GALNT9: variants seen among roughly 807,000 people sequenced by gnomAD.
GALNT9 encodes the protein GalNAc transferase 9.
GALNT9 carries 47 observed loss-of-function variants against 63.1 expected under a neutral mutation model. The ratio of observed to expected loss-of-function variants is 0.75; its 90% CI spans 0.59 to 0.95. The LOEUF (loss-of-function observed/expected upper bound fraction) is 0.95, where lower values mean the gene tolerates loss of function less well. Ranked by LOEUF, GALNT9 falls within the 40% of genes least tolerant of loss-of-function variation. The probability of loss-of-function intolerance (pLI) is 0.00; values close to 1 mark genes in which losing one functional copy is unlikely to be tolerated. For synonymous variants in GALNT9, 396 were observed against 365.7 expected (o/e 1.08, Z -0.94); for missense variants, 829 against 874.8 (o/e 0.95, Z 0.66).
At chr12:132,240,844 C>T (rs1212214670) in intron 6 of GALNT9, 6 of 392,904 alleles carry the variant, frequency 1.5e-5, no homozygotes, top group Non-Finnish European at 3.1e-5. Flanking sequence ...CCATTACACA[C>T]ACACCACACC....
chr12:132,240,969 C>T (rs1555236995), intron 6 of GALNT9, among the ~76,000 whole-genome samples: 1 of 140,864 alleles, frequency 7.1e-6, no homozygotes, highest in Non-Finnish European at 1.5e-5. Flanking sequence ...CTCCCTATAC[C>T]CATTACACAC....
chr12:132,249,514 C>T (rs1470604274), intron 5 of GALNT9, among the ~76,000 whole-genome samples: 1 of 152,192 alleles, frequency 6.6e-6, no homozygotes, highest in Non-Finnish European at 1.5e-5. Context: ...CGGCCACAAA[C>T]CTAACAGTGA....
At position 132,279,858 on chromosome 12, in the gene GALNT9, G is replaced by C. The variant is rs1309331870; in HGVS notation, c.419+6392C>G. On this transcript the variant is annotated intron_variant, in intron 2 of 10. Coordinates refer to ENST00000328957, the MANE Select transcript of GALNT9 (RefSeq NM_001122636.2). The surrounding 1 kb of genome is among the most constrained non-coding windows in gnomAD (Gnocchi z 4.1). ...CTGGGTCTCCTGGATCCAATTCCTG[G>C]ATGCCCAGTGTCCGCCAGGTCTCCT... The C allele has an allele frequency of 6.6e-6, 1 of 151,514 alleles. No homozygotes were observed. The highest frequency in any genetic ancestry group is 2.4e-5 in the African/African-American group (1 of 41,138). 9.4% of individuals were successfully genotyped at this position (151,514 alleles called of 1,614,324 possible). A position where few individuals can be genotyped will look rare whatever the true frequency, so the allele number is the denominator to read the frequency against.
intron 6 of GALNT9, among the ~76,000 whole-genome samples, chr12:132,209,844 C>T (rs997285343): frequency 6.6e-6 from 1 of 152,212 alleles, no homozygotes; most frequent in South Asian, 2.1e-4. Context: ...AAAATAACCA[C>T]AAAAGTTAAT....
At chr12:132,239,987 G>A (rs1217519842) in intron 6 of GALNT9, among the ~76,000 whole-genome samples, 1 of 152,092 alleles carries the variant, frequency 6.6e-6, no homozygotes, top group African/African-American at 2.4e-5. Context: ...TCTGGGGAGA[G>A]GAGTGATCAG....
At position 132,313,065 on chromosome 12, in the gene GALNT9, C is replaced by T. The variant is rs568537630; in HGVS notation, c.238+15901G>A. ...ACCCTCCACTCATCTACCCACCCAT[C>T]CATCCACCCACTCACCCACCCATCC... is the stretch of plus-strand genomic sequence containing the variant. On this transcript the variant is annotated intron_variant, in intron 1 of 10. Transcript: ENST00000328957. 2.0e-5 allele frequency among the ~76,000 whole-genome samples: 3 copies of T among 152,022 alleles called. No individual in the cohort carries two copies. The South Asian group carries it at 6.2e-4, about 32-fold the overall frequency.
chr12:132,228,644 G>A (rs1003485120), intron 6 of GALNT9, among the ~76,000 whole-genome samples: 1 of 152,068 alleles, frequency 6.6e-6, no homozygotes, highest in Non-Finnish European at 1.5e-5. Flanking sequence ...GCCCCCCAGC[G>A]GAGTGGGGTC....
Position 132,327,579 on chromosome 12 carries a change from C to T in GALNT9, c.238+1387G>A, listed in dbSNP as rs1156691565. ...AGCCATGTGCTATTGCCGGGCACAC[C>T]GCCTTCCGGGAGATGAATTGCTCTG... is the stretch of plus-strand genomic sequence containing the variant. On this transcript the variant is annotated intron_variant, in intron 1 of 10. Coordinates refer to ENST00000328957, the MANE Select transcript of GALNT9 (RefSeq NM_001122636.2). This position sits in a 1 kb window ranked among gnomAD's most constrained non-coding sequence, Gnocchi z 4.3. Among the ~76,000 whole-genome samples, 7 of 152,186 alleles carry T rather than the reference C, an allele frequency of 4.6e-5. No individual in the cohort carries two copies. Among genetic ancestry groups the T allele is most frequent in the Admixed American group, 2.0e-4 (3 of 15,286 alleles).
chr12:132,262,152 C>T (rs1555239834), intron 3 of GALNT9, among the ~76,000 whole-genome samples: 2 of 152,160 alleles, frequency 1.3e-5, no homozygotes. Flanking sequence ...ATGAAATCCT[C>T]CTGGATTTGG....
At chr12:132,240,591 G>A (rs2136898753) in intron 6 of GALNT9, 2 of 455,482 alleles carry the variant, frequency 4.4e-6, no homozygotes, top group Admixed American at 2.4e-5. Context: ...GGGCTCGGCT[G>A]TGGGCTCCGT....
At chr12:132,207,510 AGTGT>A (rs1876768233) in intron 6 of GALNT9, among the ~76,000 whole-genome samples, 1 of 152,178 alleles carries the variant, frequency 6.6e-6, no homozygotes. Context: ...CAGCCCCGTC[AGTGT>A]GTGCTGAGCT....
At chr12:132,314,613 A>C (rs1223177354) in intron 1 of GALNT9, among the ~76,000 whole-genome samples, 1 of 152,156 alleles carries the variant, frequency 6.6e-6, no homozygotes, top group Non-Finnish European at 1.5e-5. Context: ...CTTCCCCTTC[A>C]AAGCAATCCC....
At chr12:132,311,680 C>T (rs1881816926) in intron 1 of GALNT9, among the ~76,000 whole-genome samples, 1 of 152,212 alleles carries the variant, frequency 6.6e-6, no homozygotes, top group Admixed American at 6.5e-5. Flanking sequence ...CCCAGGACAC[C>T]AGCAGCCTCC....
chr12:132,243,300 C>T (rs1280697371), intron 6 of GALNT9, among the ~76,000 whole-genome samples: 1 of 143,364 alleles, frequency 7.0e-6, no homozygotes, highest in Non-Finnish European at 1.5e-5. Context: ...CGGGGCCCTC[C>T]CTATACCCAT....
chr12:132,251,855 G>T (rs1464021301), intron 5 of GALNT9, among the ~76,000 whole-genome samples: 1 of 152,176 alleles, frequency 6.6e-6, no homozygotes, highest in Non-Finnish European at 1.5e-5. Context: ...CAGCCTGGGG[G>T]CCCCACCTCT....
chr12:132,318,928 G>A (rs941759973), intron 1 of GALNT9, among the ~76,000 whole-genome samples: 3 of 152,228 alleles, frequency 2.0e-5, no homozygotes, highest in South Asian at 2.1e-4. Flanking sequence ...GGAAGCCTGC[G>A]TGTCCCCAGA....
chr12:132,286,416 T>A lies in GALNT9; in HGVS notation c.253A>T (p.Ile85Phe). 6.5e-7 allele frequency: 1 copy of A among 1,550,036 alleles called. No individual in the cohort carries two copies. The highest frequency in any genetic ancestry group is 8.7e-7 in the Non-Finnish European group (1 of 1,146,580). ...CCTCCTGGCCCCTCCACCAGGCCGA[T>A]GGGCTTGGCAAGGCCTGGGGGAAAG... ...YNQLNGLAKP[I>F]GLVEGPGGLG... Residue 85 changes from isoleucine (I) to phenylalanine (F), a missense_variant, in exon 2 of 11, where the codon ATC becomes TTC. Transcript: ENST00000328957. This position sits in a 1 kb window ranked among gnomAD's most constrained non-coding sequence, Gnocchi z 7.4.
chr12:132,235,736 GGAGT>G (rs1443995789), intron 6 of GALNT9, among the ~76,000 whole-genome samples: 3,812 of 67,282 alleles, frequency 0.057, 360 homozygotes, highest in Middle Eastern at 0.17. Flanking sequence ...CCCCCGGGCT[GGAGT>G]GAGTTCAACC....
At chr12:132,213,474 T>TCACACC (rs1457497709) in intron 6 of GALNT9, among the ~76,000 whole-genome samples, 37 of 44,048 alleles carry the variant, frequency 8.4e-4, no homozygotes, top group African/African-American at 3.0e-3. Context: ...ACAGGCACAC[T>TCACACC]CACACCCACA....
Sources: allele counts gnomAD v4.1 joint callset (sites outside exome capture counted in the v4.1 genomes callset), GRCh38; gene constraint gnomAD v4.1.1; non-coding constraint Gnocchi (gnomAD v3.1); transcripts MANE v1.5; gene names NCBI Gene and HGNC (gene_info 2026-07-23, HGNC 2026-07-21).